Variants in FANCA observed in about 807,000 individuals in gnomAD.
The protein encoded by FANCA is FA complementation group A.
In FANCA, 236 loss-of-function variants were observed where a neutral mutation model predicts 194.3. The observed-to-expected ratio is 1.21, with a 90% CI of 1.09 to 1.35. The LOEUF (loss-of-function observed/expected upper bound fraction) is 1.35, where lower values mean the gene tolerates loss of function less well. FANCA is among the 40% of genes most tolerant of loss of function. The pLI is 0.00. For missense variants in FANCA, 2,628 were observed against 1,813.9 expected (o/e 1.45, Z -8.15); for synonymous variants, 1,014 against 715.8 (o/e 1.42, Z -6.65).
At chr16:89,786,189 T>G (rs964965033) in intron 14 of FANCA, among the ~76,000 whole-genome samples, 2 of 151,340 alleles carry the variant, frequency 1.3e-5, no homozygotes, top group African/African-American at 4.9e-5. Context: ...CGGTTTTTTT[T>G]TTCCTTTTTT....
At chr16:89,752,799 C>G (rs2038641422) in intron 30 of FANCA, among the ~76,000 whole-genome samples, 1 of 152,184 alleles carries the variant, frequency 6.6e-6, no homozygotes, top group Non-Finnish European at 1.5e-5. Context: ...TCTGGGAAGA[C>G]GCCCGTCACC....
At chr16:89,796,468 C>G (rs974823659) in intron 10 of FANCA, among the ~76,000 whole-genome samples, 3 of 152,268 alleles carry the variant, frequency 2.0e-5, no homozygotes, top group East Asian at 1.9e-4. Flanking sequence ...ACAGTCACAA[C>G]AGGGACTGAG....
chr16:89,749,955 C>T, intron 31 of FANCA, 53 bp from the exon 32 acceptor site: 1 of 1,602,170 alleles, frequency 6.2e-7, no homozygotes. Context: ...CACTGCCCAG[C>T]CAGTCGGGGA....
intron 8 of FANCA, among the ~76,000 whole-genome samples, chr16:89,800,630 T>C (rs569560943): frequency 1.3e-5 from 2 of 152,182 alleles, no homozygotes; most frequent in Non-Finnish European, 2.9e-5. Context: ...AGCTATAGAA[T>C]ATAGAAATCA....
chr16:89,779,847 C>A, intron 18 of FANCA, 22 bp downstream of exon 18: 1 of 1,608,172 alleles, frequency 6.2e-7, no homozygotes, highest in Non-Finnish European at 8.5e-7. Flanking sequence ...CTGCTAGAGG[C>A]CTTTTCGGCA....
chr16:89,807,011 G>A (rs920194795), intron 6 of FANCA, among the ~76,000 whole-genome samples: 1 of 152,132 alleles, frequency 6.6e-6, no homozygotes, highest in Non-Finnish European at 1.5e-5. Flanking sequence ...GGACGGGGCG[G>A]CTGTTCTATA....
Position 89,780,771 on chromosome 16 carries a change from A to C in FANCA, c.1627-814T>G, listed in dbSNP as rs993355825. Among the ~76,000 whole-genome samples the C allele has an allele frequency of 7.2e-5, 11 of 152,008 alleles. No homozygotes were observed. The South Asian group carries it at 1.5e-3, about 20-fold the overall frequency. ...CAGGGAGACCCTATGTCTGCAAAAA[A>C]TTTTAGAAACCAGCCAGGCATGGTG... On this transcript the variant is annotated intron_variant, in intron 17 of 42. Coordinates refer to ENST00000389301, the MANE Select transcript of FANCA (RefSeq NM_000135.4).
At chr16:89,749,204 G>C (rs919227281) in intron 32 of FANCA, among the ~76,000 whole-genome samples, 2 of 151,502 alleles carry the variant, frequency 1.3e-5, no homozygotes, top group Non-Finnish European at 3.0e-5. Context: ...CTCCACGTCT[G>C]AGCAGGAAGG....
chr16:89,794,933 G>A (rs2040193071), intron 11 of FANCA, among the ~76,000 whole-genome samples: 1 of 152,184 alleles, frequency 6.6e-6, no homozygotes, highest in Admixed American at 6.5e-5. Context: ...CGTGAGTTGT[G>A]CTGGGTGATC....
intron 30 of FANCA, among the ~76,000 whole-genome samples, chr16:89,754,025 G>C (rs1404218681): frequency 2.0e-5 from 3 of 152,176 alleles, no homozygotes; most frequent in Non-Finnish European, 4.4e-5. Flanking sequence ...CTGTACTCCA[G>C]CCTGGGACAC....
chr16:89,791,090 G>C (rs56324411), intron 14 of FANCA: 1 of 298,140 alleles, frequency 3.4e-6, no homozygotes, highest in South Asian at 3.4e-5. Flanking sequence ...GCTTGATTTC[G>C]CTAATTTTCT....
chr16:89,770,032 G>A lies in FANCA; in HGVS notation c.2317-8C>T, dbSNP rs753766357. ...GGCACTCAGGCTCGGGCCCTGCAAC[G>A]AGAATGAGGGTGGCAGAGCAGACTG... On this transcript the variant is annotated splice_polypyrimidine_tract_variant and splice_region_variant and intron_variant, in intron 25 of 42. Transcript: ENST00000389301. 98 of 1,612,602 alleles carry A rather than the reference G, an allele frequency of 6.1e-5. 1 individual carries two copies. In the Middle Eastern group the frequency reaches 1.7e-3, roughly 27 times the overall value.
rs778254482 is a variant in FANCA at position 89,761,959 on chromosome 16, C to T, written c.2842G>A (p.Asp948Asn). 1.2e-6 allele frequency: 2 copies of T among 1,613,894 alleles called. No individual in the cohort carries two copies. The highest frequency in any genetic ancestry group is 2.2e-5 in the East Asian group (1 of 44,878). Residue 948 changes from aspartate to asparagine, a missense_variant, in exon 29 of 43, where the codon GAT becomes AAT. Coordinates refer to ENST00000389301, the MANE Select transcript of FANCA (RefSeq NM_000135.4). ...EIQPEADALSDTERQDFHQWA... is the reference protein window; with the variant it reads ...EIQPEADALSNTERQDFHQWA... ...CTTTTCAACACTTACCGTTCAGTAT[C>T]TGAAAGAGCATCAGCTTCAGGTTGA...
At chr16:89,769,500 G>A (rs2039247445) in intron 26 of FANCA, among the ~76,000 whole-genome samples, 1 of 152,218 alleles carries the variant, frequency 6.6e-6, no homozygotes, top group Non-Finnish European at 1.5e-5. Flanking sequence ...ACCAGAGGGA[G>A]CTGGTCCAAC....
At position 89,749,925 on chromosome 16, in the gene FANCA, C is replaced by T. The variant is rs17227057; in HGVS notation, c.3067-23G>A. On this transcript the variant is annotated intron_variant, in intron 31 of 42. Transcript: ENST00000389301. Reference sequence around the variant, plus strand: ...CTCCTGAAAAAGAGCAGTATGCTGGCACAGGAAGGCCTCGGGGCTCACTGC... The same window carrying T: ...CTCCTGAAAAAGAGCAGTATGCTGGTACAGGAAGGCCTCGGGGCTCACTGC... 124,004 of 1,612,260 alleles carry T rather than the reference C, an allele frequency of 0.077. 5,744 individuals carry two copies. The highest frequency in any genetic ancestry group is 0.16 in the East Asian group (7,372 of 44,878).
In FANCA at chr16:89,738,921, T is replaced by C; in HGVS notation, c.4221A>G (p.Ile1407Met). Residue 1407 changes from isoleucine (I) to methionine (M), a missense_variant, in exon 42 of 43, where the codon ATA becomes ATG. Physicochemically the swap from Ile to Met is conservative, Grantham distance 10. Coordinates refer to ENST00000389301, the MANE Select transcript of FANCA (RefSeq NM_000135.4). ...AGAAGCTCTTTTTCGGGCACCGAGG[T>C]ATTAACTGCAGCAGAAAAAGACGAG... ...TKARLFLLQL[I>M]PRCPKKSFSH... 1 of 1,614,222 alleles carries C rather than the reference T, an allele frequency of 6.2e-7. No homozygotes were observed. The highest frequency in any genetic ancestry group is 1.1e-5 in the South Asian group (1 of 91,086).
In FANCA at chr16:89,738,486, A is replaced by G. The variant is rs147195004; in HGVS notation, c.*115T>C. ...TCATAAATAATTGATTCCTTTCCCC[A>G]CTAAAGCAGTCGAGGAGATTTGTAA... On this transcript the variant is annotated 3_prime_UTR_variant, in exon 43 of 43. Transcript: ENST00000389301. 2 of 1,517,956 alleles carry G rather than the reference A, an allele frequency of 1.3e-6. No individual in the cohort carries two copies. Among genetic ancestry groups the G allele is most frequent in the African/African-American group, 1.4e-5 (1 of 72,974 alleles). 94.0% of individuals were successfully genotyped at this position (1,517,956 alleles called of 1,614,324 possible). A position where few individuals can be genotyped will look rare whatever the true frequency, so the allele number is the denominator to read the frequency against.
intron 3 of FANCA, among the ~76,000 whole-genome samples, 199 bp downstream of exon 3, chr16:89,814,321 C>G (rs948985807): frequency 1.3e-5 from 2 of 152,196 alleles, no homozygotes; most frequent in African/African-American, 4.8e-5. Context: ...CAGGTTGAAT[C>G]AGACGCTGTT....
At position 89,767,228 on chromosome 16, in the gene FANCA, T is replaced by A. The variant is rs1488945417; in HGVS notation, c.2514A>T (p.Thr838=). The change falls in exon 27 of 43, where the codon ACA becomes ACT. Residue 838 remains threonine (T), a synonymous_variant. Coordinates refer to ENST00000389301, the MANE Select transcript of FANCA (RefSeq NM_000135.4). ...DSLFFCLKFC[T]AAISYSLCKF... is the part of the protein sequence containing the mutation. ...TGCAGAGAGAGTAAGAAATTGCTGC[T>A]GTACAAAATCTGAAAACAGAAATTA... is the stretch of plus-strand genomic sequence containing the variant. 6.2e-7 allele frequency: 1 copy of A among 1,611,426 alleles called. No individual in the cohort carries two copies.
Sources: allele counts gnomAD v4.1 joint callset (sites outside exome capture counted in the v4.1 genomes callset), GRCh38; gene constraint gnomAD v4.1.1; transcripts MANE v1.5; gene names NCBI Gene and HGNC (gene_info 2026-07-23, HGNC 2026-07-21).